ACBD5: variants seen among roughly 807,000 people sequenced by gnomAD.
ACBD5 encodes acyl-CoA binding domain containing 5.
ACBD5 carries 40 observed loss-of-function variants against 71.8 expected under a neutral mutation model. The observed-to-expected ratio is 0.56, with a 90% CI of 0.43 to 0.72. The LOEUF (loss-of-function observed/expected upper bound fraction) is 0.72. Ranked by LOEUF, ACBD5 falls within the 30% of genes least tolerant of loss-of-function variation. The probability of loss-of-function intolerance (pLI) is 0.00; values close to 1 mark genes in which losing one functional copy is unlikely to be tolerated. For synonymous variants in ACBD5, 229 were observed against 218.6 expected (o/e 1.05, Z -0.42); for missense variants, 559 against 644.5 (o/e 0.87, Z 1.44).
intron 4 of ACBD5, among the ~76,000 whole-genome samples, chr10:27,223,731 C>A (rs374464104): frequency 2.0e-5 from 3 of 151,660 alleles, no homozygotes; most frequent in South Asian, 2.1e-4. Flanking sequence ...CACAGTGAGA[C>A]CCTGTCTCTT....
In ACBD5 at chr10:27,207,028, A is replaced by G. The variant is rs925369280; in HGVS notation, c.1404+1218T>C. Among the ~76,000 whole-genome samples, 23 of 151,956 alleles carry G rather than the reference A, an allele frequency of 1.5e-4. No homozygotes were observed. The East Asian group carries it at 3.9e-3, about 26-fold the overall frequency. ...CACGGTGGCTCACGCCTGTAATCCC[A>G]GCACTTTGGGAGGCTGAGGCGGGTG... On this transcript the variant is annotated intron_variant, in intron 10 of 12. Transcript: ENST00000396271.
At chr10:27,234,757 C>A (rs2064409795) in intron 3 of ACBD5, among the ~76,000 whole-genome samples, 1 of 152,106 alleles carries the variant, frequency 6.6e-6, no homozygotes, top group African/African-American at 2.4e-5. Flanking sequence ...CATAGTGAAA[C>A]CCTGTCTCTA....
intron 13 of ACBD5, among the ~76,000 whole-genome samples, chr10:27,187,815 G>C (rs528447163): frequency 5.8e-4 from 88 of 151,744 alleles, no homozygotes; most frequent in African/African-American, 2.1e-3. Flanking sequence ...TGAATAGCTT[G>C]TTCAATTTTA....
At chr10:27,215,199 A>G (rs868391105) in intron 8 of ACBD5, among the ~76,000 whole-genome samples, 3 of 152,032 alleles carry the variant, frequency 2.0e-5, no homozygotes, top group Admixed American at 6.6e-5. Context: ...AGATCATTCA[A>G]TTTTCCTGAA....
At position 27,240,394 on chromosome 10, in the gene ACBD5, T is replaced by A; in HGVS notation, c.106A>T (p.Met36Leu). Residue 36 changes from methionine (M) to leucine (L), a missense_variant, in exon 2 of 13, where the codon ATG becomes TTG. Coordinates refer to ENST00000396271, the MANE Select transcript of ACBD5 (RefSeq NM_145698.5). The surrounding 1 kb of genome is among the most constrained non-coding windows in gnomAD (Gnocchi z 4.1). ...TCGTGCACGGATCTCGTGTCCGCCA[T>A]CTCCAGCTGCCAGTGTTGGCCCCGG... ...WDRGQHWQLE[M>L]ADTRSVHETR... is the part of the protein sequence containing the mutation. 1 of 1,613,928 alleles carries A rather than the reference T, an allele frequency of 6.2e-7. No individual in the cohort carries two copies. Among genetic ancestry groups the A allele is most frequent in the Non-Finnish European group, 8.5e-7 (1 of 1,179,984 alleles).
In ACBD5 at chr10:27,218,064, G is replaced by A. The variant is rs2061870976; in HGVS notation, c.745C>T (p.Leu249=). 1.2e-6 allele frequency: 2 copies of A among 1,614,080 alleles called. No individual in the cohort carries two copies. The highest frequency in any genetic ancestry group is 4.5e-5 in the East Asian group (2 of 44,870). The change falls in exon 7 of 13, where the codon CTG becomes TTG. Residue 249 remains leucine (L), a synonymous_variant. Coordinates refer to ENST00000396271, the MANE Select transcript of ACBD5 (RefSeq NM_145698.5). ...ACTTCTTCAGTGCTTCTGCCATTCA[G>A]GGAAGAACTGGCATGAATGTCATTC... ...IQNDIHASSS[L]NGRSTEEVKP... is the part of the protein sequence containing the mutation.
intron 5 of ACBD5, among the ~76,000 whole-genome samples, chr10:27,220,950 T>C (rs2062261859): frequency 6.6e-6 from 1 of 152,216 alleles, no homozygotes; most frequent in African/African-American, 2.4e-5. Flanking sequence ...ATTACAAACA[T>C]CAAACATTTC....
chr10:27,234,989 G>C, intron 3 of ACBD5, 103 bp downstream of exon 3: 1 of 1,211,958 alleles, frequency 8.3e-7, no homozygotes, highest in East Asian at 2.5e-5. Flanking sequence ...CAATACCTAG[G>C]ACACTTTCTG....
chr10:27,194,974 A>G (rs2059263651), downstream of ACBD5, among the ~76,000 whole-genome samples: 1 of 152,168 alleles, frequency 6.6e-6, no homozygotes, highest in East Asian at 1.9e-4. Flanking sequence ...CTAGCCTGGC[A>G]ACAGAGCGAG....
rs759349998 is a variant in ACBD5, at chr10:27,240,229, G to T, written c.181+90C>A. ...ACATGGCTCCTACACAGAAAAAAAG[G>T]CTAAATAAACAACACTAGAACCAGA... On this transcript the variant is annotated intron_variant, in intron 2 of 12. Coordinates refer to ENST00000396271, the MANE Select transcript of ACBD5 (RefSeq NM_145698.5). The surrounding 1 kb of genome is among the most constrained non-coding windows in gnomAD (Gnocchi z 4.1). 1 of 1,604,472 alleles carries T rather than the reference G, an allele frequency of 6.2e-7. No individual in the cohort carries two copies. The highest frequency in any genetic ancestry group is 1.7e-5 in the Admixed American group (1 of 59,590).
intron 13 of ACBD5, among the ~76,000 whole-genome samples, chr10:27,187,889 C>T (rs1158480271): frequency 3.3e-5 from 5 of 152,044 alleles, no homozygotes; most frequent in Non-Finnish European, 1.5e-5. Context: ...TTATCAGAAA[C>T]AGATTGGTCC....
intron 13 of ACBD5, among the ~76,000 whole-genome samples, chr10:27,188,035 G>GGTTTA (rs2058877018): frequency 6.6e-6 from 1 of 152,134 alleles, no homozygotes; most frequent in South Asian, 2.1e-4. Flanking sequence ...TTGCACATCG[G>GGTTTA]GTTTAGTGTT....
chr10:27,210,279 G>A (rs1464973246), intron 9 of ACBD5, among the ~76,000 whole-genome samples: 1 of 152,206 alleles, frequency 6.6e-6, no homozygotes, highest in South Asian at 2.1e-4. Flanking sequence ...AGCTGAACCT[G>A]CATCAAGCAT....
At chr10:27,184,493 G>A (rs780159214) in intron 13 of ACBD5, among the ~76,000 whole-genome samples, 3 of 148,458 alleles carry the variant, frequency 2.0e-5, no homozygotes, top group Admixed American at 6.7e-5. Context: ...AGATGTGAGT[G>A]TCTGAATGCA....
intron 10 of ACBD5, among the ~76,000 whole-genome samples, chr10:27,206,638 C>T (rs965807421): frequency 5.3e-5 from 8 of 151,914 alleles, no homozygotes; most frequent in Non-Finnish European, 1.2e-4. Flanking sequence ...GCCTCAGCCT[C>T]CTGAGTAGCT....
upstream of ACBD5, chr10:27,242,071 G>C: frequency 4.4e-6 from 2 of 453,414 alleles, no homozygotes; most frequent in South Asian, 1.6e-5. Context: ...TGGTATTGCC[G>C]GACAAGGCCT....
chr10:27,214,729 G>A (rs1775079637), intron 8 of ACBD5, among the ~76,000 whole-genome samples: 1 of 152,166 alleles, frequency 6.6e-6, no homozygotes, highest in Non-Finnish European at 1.5e-5. Flanking sequence ...TACAGTCAAT[G>A]TGGAGAACAG....
At chr10:27,211,542 A>AT (rs1320718818) in intron 8 of ACBD5, among the ~76,000 whole-genome samples, 1 of 152,016 alleles carries the variant, frequency 6.6e-6, no homozygotes, top group Non-Finnish European at 1.5e-5. Context: ...GATGGTCTCA[A>AT]TCTCCTGGCC....
chr10:27,218,055 T>G lies in ACBD5; in HGVS notation c.754A>C (p.Arg252=), dbSNP rs148295821. ...ATGGGCTTTACTTCTTCAGTGCTTC[T>G]GCCATTCAGGGAAGAACTGGCATGA... The part of the protein sequence containing the change: ...DIHASSSLNG[R]STEEVKPIDE... The change falls in exon 7 of 13, where the codon AGA becomes CGA. Residue 252 remains arginine (R), a synonymous_variant. Transcript: ENST00000396271. 14 of 1,614,094 alleles carry G rather than the reference T, an allele frequency of 8.7e-6. No individual in the cohort carries two copies. The African/African-American group carries it at 1.6e-4, about 18-fold the overall frequency.
Sources: gnomAD v4.1 joint callset for allele counts (sites outside exome capture counted in the v4.1 genomes callset) on GRCh38, gnomAD v4.1.1 for gene constraint, Gnocchi (gnomAD v3.1) non-coding constraint, MANE v1.5 for transcripts, NCBI Gene and HGNC (gene_info 2026-07-23, HGNC 2026-07-21) for gene names.